Variants in CDC42BPA observed in about 807,000 individuals in gnomAD.
CDC42BPA encodes the protein serine/threonine-protein kinase MRCK alpha.
Under a neutral mutation model 223.5 loss-of-function variants are expected in CDC42BPA, and 80 were observed. The ratio of observed to expected loss-of-function variants is 0.36; its 90% CI spans 0.30 to 0.43. The LOEUF is 0.43. CDC42BPA is among the 20% of genes least tolerant of loss of function. The pLI is 1.00. For missense variants in CDC42BPA, 1,743 were observed against 2,099.9 expected (o/e 0.83, Z 3.32); for synonymous variants, 694 against 718.6 (o/e 0.97, Z 0.55).
intron 5 of CDC42BPA, among the ~76,000 whole-genome samples, chr1:227,165,122 T>G (rs1664802136): frequency 6.6e-6 from 1 of 152,196 alleles, no homozygotes; most frequent in African/African-American, 2.4e-5. Context: ...AAATCCTTCT[T>G]CTTATTCCCT....
intron 32 of CDC42BPA, among the ~76,000 whole-genome samples, chr1:227,020,067 T>C (rs916207074): frequency 6.6e-6 from 1 of 152,104 alleles, no homozygotes; most frequent in African/African-American, 2.4e-5. Flanking sequence ...TGGCTAATTT[T>C]GTATTTTTAA....
At chr1:227,104,711 G>A (rs180918824) in intron 14 of CDC42BPA, among the ~76,000 whole-genome samples, 3 of 152,216 alleles carry the variant, frequency 2.0e-5, no homozygotes, top group Admixed American at 6.5e-5. Flanking sequence ...TTAAGACTGC[G>A]TCCTTATAAA....
At chr1:227,121,033 G>A (rs1688578741) in intron 11 of CDC42BPA, among the ~76,000 whole-genome samples, 1 of 152,178 alleles carries the variant, frequency 6.6e-6, no homozygotes, top group Non-Finnish European at 1.5e-5. Context: ...TCTGACAGGA[G>A]GTGGAGCTCA....
At chr1:227,164,315 A>T (rs1664632065) in intron 5 of CDC42BPA, among the ~76,000 whole-genome samples, 1 of 152,188 alleles carries the variant, frequency 6.6e-6, no homozygotes, top group South Asian at 2.1e-4. Context: ...TACATATTGA[A>T]ATTTTTATGG....
At chr1:227,241,466 CTG>C (rs1680000072) in intron 2 of CDC42BPA, among the ~76,000 whole-genome samples, 1 of 152,032 alleles carries the variant, frequency 6.6e-6, no homozygotes, top group South Asian at 2.1e-4. Context: ...AATGAATAAA[CTG>C]TGGAACATTG....
At chr1:227,233,241 G>A (rs774064576) in intron 2 of CDC42BPA, among the ~76,000 whole-genome samples, 17 of 151,994 alleles carry the variant, frequency 1.1e-4, no homozygotes, top group Non-Finnish European at 1.6e-4. Flanking sequence ...ATTTCACCAC[G>A]TTGGCCAGGA....
chr1:227,112,199 G>T, intron 14 of CDC42BPA, 113 bp downstream of exon 14: 1 of 522,092 alleles, frequency 1.9e-6, no homozygotes, highest in Middle Eastern at 2.9e-4. Flanking sequence ...TAGTAGGTTT[G>T]AAGAAAGGCT....
intron 12 of CDC42BPA, 85 bp from the exon 13 acceptor site, chr1:227,112,998 A>C: frequency 7.9e-7 from 1 of 1,272,324 alleles, no homozygotes; most frequent in East Asian, 2.3e-5. Flanking sequence ...TCATTAAGTC[A>C]AGAAGAGCCA....
chr1:227,188,459 C>T (rs1669195758), intron 5 of CDC42BPA, among the ~76,000 whole-genome samples: 1 of 151,516 alleles, frequency 6.6e-6, no homozygotes, highest in African/African-American at 2.4e-5. Context: ...ATTCACAATT[C>T]CCAAAACTTA....
intron 1 of CDC42BPA, among the ~76,000 whole-genome samples, chr1:227,305,127 GAA>G (rs1207034674): frequency 2.0e-5 from 3 of 152,156 alleles, no homozygotes; most frequent in Admixed American, 2.0e-4. Context: ...GAAGAATGCA[GAA>G]AATATATGGG....
At chr1:227,120,004 A>G in intron 11 of CDC42BPA, 67 bp from the exon 12 acceptor site, 1 of 1,329,686 alleles carries the variant, frequency 7.5e-7, no homozygotes, top group South Asian at 1.4e-5. Flanking sequence ...CTAAGGTAAA[A>G]CAACTAAAAT....
intron 1 of CDC42BPA, 134 bp downstream of exon 1, chr1:227,316,871 T>C (rs1489126546): frequency 1.5e-6 from 1 of 679,002 alleles, no homozygotes; most frequent in African/African-American, 1.8e-5. Context: ...GCGGAAAATC[T>C]TGAATAACTA....
At chr1:227,020,792 G>A (rs1470262941) in intron 32 of CDC42BPA, among the ~76,000 whole-genome samples, 1 of 152,146 alleles carries the variant, frequency 6.6e-6, no homozygotes, top group Non-Finnish European at 1.5e-5. Context: ...GCTAACTGTT[G>A]CAAGAGGCCT....
At chr1:227,303,768 T>C (rs2148757606) in intron 1 of CDC42BPA, among the ~76,000 whole-genome samples, 1 of 152,318 alleles carries the variant, frequency 6.6e-6, no homozygotes. Context: ...AAAATTTTGT[T>C]TCTATAGTCT....
intron 28 of CDC42BPA, 80 bp from the exon 29 acceptor site, chr1:227,030,550 T>C: frequency 2.4e-6 from 2 of 837,728 alleles, no homozygotes; most frequent in Non-Finnish European, 3.9e-6. Flanking sequence ...TAAGAACATT[T>C]GGTGCAAAAA....
chr1:227,193,818 A>G lies in CDC42BPA; in HGVS notation c.567T>C (p.Ile189=), dbSNP rs770608972. ...RFYLAEMVIA[I]DSVHQLHYVH... is the part of the protein sequence containing the mutation. ...CATAATGTAGCTGATGAACTGAGTC[A>G]ATTGCTATCACCATCTCAGCCAAGT... Residue 189 remains isoleucine (I), a synonymous_variant, in exon 5 of 37, where the codon ATT becomes ATC. Transcript: ENST00000366766. 6.2e-7 allele frequency: 1 copy of G among 1,613,240 alleles called. No homozygotes were observed. Among genetic ancestry groups the G allele is most frequent in the Non-Finnish European group, 8.5e-7 (1 of 1,179,608 alleles).
In CDC42BPA at chr1:227,155,118, T is replaced by C. The variant is rs552736756; in HGVS notation, c.693+5425A>G. Among the ~76,000 whole-genome samples, 28 of 152,266 alleles carry C rather than the reference T, an allele frequency of 1.8e-4. No individual in the cohort carries two copies. The South Asian group carries it at 5.4e-3, about 29-fold the overall frequency. ...CGTAGATTTGAGGCAGCTGTCCAGA[T>C]AATAAATAATGACCCACACAAAGTC... On this transcript the variant is annotated intron_variant, in intron 6 of 36. Coordinates refer to ENST00000366766, the MANE Select transcript of CDC42BPA (RefSeq NM_001394014.1).
chr1:227,241,970 T>C (rs1680099582), intron 2 of CDC42BPA, among the ~76,000 whole-genome samples: 1 of 152,116 alleles, frequency 6.6e-6, no homozygotes, highest in Non-Finnish European at 1.5e-5. Flanking sequence ...CTTATGAGCT[T>C]AAATAATATC....
chr1:227,028,814 T>C lies in CDC42BPA; in HGVS notation c.4275A>G (p.Ser1425=), dbSNP rs1668729684. The part of the protein sequence containing the change: ...SMLHSNDHTL[S]FIAHQPMDAI... ...CATCCATTGGTTGATGTGCAATAAA[T>C]GATAGTGTATGGTCATTTGAATGGA... The change falls in exon 30 of 37, where the codon TCA becomes TCG. Residue 1425 remains serine (S), a synonymous_variant. Transcript: ENST00000366766. The C allele has an allele frequency of 6.2e-7, 1 of 1,614,170 alleles. No individual in the cohort carries two copies. Among genetic ancestry groups the C allele is most frequent in the Admixed American group, 1.7e-5 (1 of 60,028 alleles).
Sources: gnomAD v4.1 joint callset for allele counts (sites outside exome capture counted in the v4.1 genomes callset) on GRCh38, gnomAD v4.1.1 for gene constraint, MANE v1.5 for transcripts, NCBI Gene and HGNC (gene_info 2026-07-23, HGNC 2026-07-21) for gene names.